DDX1: variants seen among roughly 807,000 people sequenced by gnomAD.
DDX1 encodes the protein ATP-dependent RNA helicase DDX1.
DDX1 carries 28 observed loss-of-function variants against 108.7 expected under a neutral mutation model. That is an observed-to-expected ratio of 0.26 (90% CI 0.19 to 0.35). The LOEUF (loss-of-function observed/expected upper bound fraction) is 0.35, where lower values mean the gene tolerates loss of function less well. Ranked by LOEUF, DDX1 falls within the 10% of genes least tolerant of loss-of-function variation. The pLI is 1.00. For missense variants in DDX1, 710 were observed against 884.5 expected (o/e 0.80, Z 2.50); for synonymous variants, 295 against 288.9 (o/e 1.02, Z -0.21).
At chr2:15,616,062 T>TTG (rs58811920) in intron 14 of DDX1, among the ~76,000 whole-genome samples, 36,371 of 148,772 alleles carry the variant, frequency 0.24, 5,162 homozygotes, top group African/African-American at 0.41. Flanking sequence ...CCGGCTAATT[T>TTG]TGTGTGTGTG....
chr2:15,629,677 A>G lies in DDX1; in HGVS notation c.1951A>G (p.Ile651Val), dbSNP rs1355783107. The change falls in exon 24 of 26, where the codon ATA (isoleucine) becomes GTA (valine). Residue 651 changes from isoleucine (I) to valine (V), a missense_variant. Physicochemically the swap from Ile to Val is conservative, Grantham distance 29 (BLOSUM62 3). This residue lies in a region of DDX1 where 661 missense variants were observed against 810.2 expected (regional missense o/e 0.82). Transcript: ENST00000233084. Reference sequence around the variant, plus strand: ...ACTCAAGGAAGATGGAGGCTGTACCATATGGTACAACGAGATGCAGGTAAG... The same window carrying G: ...ACTCAAGGAAGATGGAGGCTGTACCGTATGGTACAACGAGATGCAGGTAAG... ...TRLKEDGGCTIWYNEMQLLSE... is the reference protein window; with the variant it reads ...TRLKEDGGCTVWYNEMQLLSE... The G allele has an allele frequency of 1.3e-6, 2 of 1,581,190 alleles. No individual in the cohort carries two copies. Among genetic ancestry groups the G allele is most frequent in the Admixed American group, 2.0e-5 (1 of 50,276 alleles).
intron 13 of DDX1, among the ~76,000 whole-genome samples, chr2:15,611,454 G>T (rs1665752883): frequency 6.9e-6 from 1 of 145,596 alleles, no homozygotes; most frequent in Admixed American, 6.7e-5. Flanking sequence ...CCTCCCAGTA[G>T]GGACGGCCGG....
intron 1 of DDX1, 130 bp downstream of exon 1, chr2:15,592,079 A>G (rs1573033450): frequency 1.2e-6 from 1 of 868,188 alleles, no homozygotes; most frequent in Admixed American, 4.2e-5. Context: ...TGTCCGCTGC[A>G]GTCCCTGATG....
chr2:15,602,636 T>C lies in DDX1; in HGVS notation c.391+5T>C, dbSNP rs747298088. 4.4e-5 allele frequency: 70 copies of C among 1,587,382 alleles called. No homozygotes were observed. The highest frequency in any genetic ancestry group is 5.7e-5 in the Non-Finnish European group (66 of 1,156,100). On this transcript the variant is annotated splice_donor_5th_base_variant and intron_variant, in intron 7 of 25. Transcript: ENST00000233084. ...CTACTAAAGGATTAATGAAAGGTAT[T>C]TGAACAGCATCTGCACTTGTATAAA...
In DDX1 at chr2:15,613,204, C is replaced by A; in HGVS notation, c.957-20C>A. 1 of 1,510,754 alleles carries A rather than the reference C, an allele frequency of 6.6e-7. No individual in the cohort carries two copies. Among genetic ancestry groups the A allele is most frequent in the Non-Finnish European group, 9.0e-7 (1 of 1,113,480 alleles). The allele number at this position is 1,510,754 out of a possible 1,614,324, so 93.6% of individuals were successfully genotyped here. ...TTTAATTTTTTTTTTTTTATATTAT[C>A]ATCTTGATATTTATTTCAGGGAGCT... On this transcript the variant is annotated intron_variant, in intron 13 of 25. Transcript: ENST00000233084.
Position 15,611,536 on chromosome 2 carries a change from G to A in DDX1, c.957-1688G>A, listed in dbSNP as rs1484065403. On this transcript the variant is annotated intron_variant, in intron 13 of 25. Coordinates refer to ENST00000233084, the MANE Select transcript of DDX1 (RefSeq NM_004939.3). ...GGGCTGACCCCCCCACCTCCCTCCC[G>A]GACGGGGCGGCTGGCCGGGCGGGGG... 1.8e-3 allele frequency among the ~76,000 whole-genome samples: 256 copies of A among 138,710 alleles called. 5 individuals are homozygous for A. Among genetic ancestry groups the A allele is most frequent in the Non-Finnish European group, 2.8e-3 (179 of 64,750 alleles). 91.0% of individuals were successfully genotyped at this position (138,710 alleles called of 152,430 possible).
At chr2:15,618,547 A>G (rs1228714730) in intron 16 of DDX1, among the ~76,000 whole-genome samples, 1 of 152,202 alleles carries the variant, frequency 6.6e-6, no homozygotes, top group Non-Finnish European at 1.5e-5. Flanking sequence ...AGCCAGGCAC[A>G]TTGGCTGCGG....
At chr2:15,609,267 A>C (rs1665717377) in intron 13 of DDX1, among the ~76,000 whole-genome samples, 1 of 152,260 alleles carries the variant, frequency 6.6e-6, no homozygotes, top group Non-Finnish European at 1.5e-5. Flanking sequence ...TTAGAGGGGA[A>C]GATGAATAAT....
chr2:15,599,379 T>G lies in DDX1; in HGVS notation c.260-290T>G, dbSNP rs376504582. 3.8e-4 allele frequency among the ~76,000 whole-genome samples: 58 copies of G among 152,046 alleles called. No homozygotes were observed. In the South Asian group the frequency reaches 8.9e-3, roughly 23 times the overall value. On this transcript the variant is annotated intron_variant, in intron 5 of 25. Coordinates refer to ENST00000233084, the MANE Select transcript of DDX1 (RefSeq NM_004939.3). ...TGGAGTGCAGTGGCTCGATCTCTGC[T>G]CACTGCAGTCTCCACCTCCTGGGCT...
chr2:15,621,239 C>A, intron 18 of DDX1, 123 bp downstream of exon 18: 1 of 670,406 alleles, frequency 1.5e-6, no homozygotes, highest in Non-Finnish European at 2.6e-6. Flanking sequence ...ATAAAGGCAA[C>A]AAAAATAATA....
chr2:15,594,291 CT>C (rs567034151), intron 1 of DDX1, among the ~76,000 whole-genome samples: 12 of 151,558 alleles, frequency 7.9e-5, no homozygotes, highest in South Asian at 6.3e-4. Flanking sequence ...GATTCTTGTT[CT>C]TTTTTTTATA....
At chr2:15,602,136 G>A (rs16862799) in intron 6 of DDX1, among the ~76,000 whole-genome samples, 36,507 of 152,074 alleles carry the variant, frequency 0.24, 5,390 homozygotes, top group African/African-American at 0.42. Context: ...ATATTGATGA[G>A]CGAGTTGTGC....
chr2:15,610,822 CGG>C (rs34238714), intron 13 of DDX1, among the ~76,000 whole-genome samples: 36,464 of 151,868 alleles, frequency 0.24, 5,377 homozygotes, highest in African/African-American at 0.42. Flanking sequence ...GATACAGCTA[CGG>C]GGATTTAACT....
At chr2:15,624,550 TC>T (rs1324262711) in intron 19 of DDX1, among the ~76,000 whole-genome samples, 2 of 152,100 alleles carry the variant, frequency 1.3e-5, no homozygotes, top group African/African-American at 4.8e-5. Context: ...TATAAAACCA[TC>T]AGATCTCATG....
At chr2:15,623,300 A>G (rs1404969047) in intron 18 of DDX1, 136 bp from the exon 19 acceptor site, 3 of 710,826 alleles carry the variant, frequency 4.2e-6, no homozygotes, top group Non-Finnish European at 4.6e-6. Context: ...GTCCTTATCT[A>G]TATATAATAC....
At chr2:15,616,734 A>G (rs1405900076) in intron 14 of DDX1, among the ~76,000 whole-genome samples, 1 of 152,210 alleles carries the variant, frequency 6.6e-6, no homozygotes, top group African/African-American at 2.4e-5. Context: ...GATCACCATT[A>G]CTATTAACTA....
chr2:15,613,731 A>G (rs189490338), intron 14 of DDX1, among the ~76,000 whole-genome samples: 10 of 152,282 alleles, frequency 6.6e-5, no homozygotes, highest in South Asian at 2.1e-4. Context: ...CATGAGTTCA[A>G]TTATGTGTAA....
intron 1 of DDX1, among the ~76,000 whole-genome samples, chr2:15,592,364 G>C (rs1253406044): frequency 6.6e-6 from 1 of 152,232 alleles, no homozygotes; most frequent in Non-Finnish European, 1.5e-5. Flanking sequence ...AGAGAGGCGA[G>C]ACGGCGTGGG....
chr2:15,617,640 A>G (rs1178224277), intron 15 of DDX1, among the ~76,000 whole-genome samples: 1 of 152,194 alleles, frequency 6.6e-6, no homozygotes, highest in Admixed American at 6.5e-5. Flanking sequence ...TTCATGGTAT[A>G]TTTAATTACT....
Sources: gnomAD v4.1 joint callset for allele counts (sites outside exome capture counted in the v4.1 genomes callset) on GRCh38, gnomAD v4.1.1 for gene constraint, gnomAD v4.1.1 regional missense constraint, MANE v1.5 for transcripts, NCBI Gene and HGNC (gene_info 2026-07-23, HGNC 2026-07-21) for gene names.